Variants in TCF25 observed in about 807,000 individuals in gnomAD.
The protein encoded by TCF25 is TCF25 ribosome quality control complex subunit.
TCF25 carries 41 observed loss-of-function variants against 83.1 expected under a neutral mutation model. The ratio of observed to expected loss-of-function variants is 0.49; its 90% CI spans 0.38 to 0.64. The LOEUF is 0.64. Ranked by LOEUF, TCF25 falls within the 30% of genes least tolerant of loss-of-function variation. TCF25 has a pLI of 0.00. For synonymous variants in TCF25, 458 were observed against 365.0 expected (o/e 1.25, Z -2.90); for missense variants, 979 against 914.5 (o/e 1.07, Z -0.91).
In TCF25 at chr16:89,906,260, G is replaced by A. The variant is rs753931759; in HGVS notation, c.1695G>A (p.Lys565=). 1.9e-6 allele frequency: 3 copies of A among 1,613,266 alleles called. No homozygotes were observed. Among genetic ancestry groups the A allele is most frequent in the South Asian group, 1.1e-5 (1 of 91,054 alleles). The part of the protein sequence containing the change: ...IHRHVILSEI[K]EAVAALPPDV... Reference sequence around the variant, plus strand: ...GCCATGTGATCCTCTCTGAGATCAAGGAAGCCGTCGCTGCCCTGCCCCCGG... The same window carrying A: ...GCCATGTGATCCTCTCTGAGATCAAAGAAGCCGTCGCTGCCCTGCCCCCGG... The change falls in exon 15 of 18, where the codon AAG becomes AAA. Residue 565 remains lysine, a synonymous_variant. Coordinates refer to ENST00000263346, the MANE Select transcript of TCF25 (RefSeq NM_014972.3).
rs192316994 is a variant in TCF25 at position 89,885,946 on chromosome 16, C to G, written c.528C>G (p.His176Gln). 1.9e-6 allele frequency: 3 copies of G among 1,538,972 alleles called. No individual in the cohort carries two copies. The highest frequency in any genetic ancestry group is 1.6e-5 in the African/African-American group (1 of 61,342). ...CAGCTCCCCTGAGCTCCAGGAAGCA[C>G]GTTCTCTACGTGGAGCACAGGTGTG... is the stretch of plus-strand genomic sequence containing the variant. Reference protein sequence around the residue: ...PGPAPLSSRKHVLYVEHRHLN... With the variant: ...PGPAPLSSRKQVLYVEHRHLN... The change falls in exon 4 of 18, where the codon CAC (histidine) becomes CAG (glutamine). Residue 176 changes from histidine to glutamine, a missense_variant. Transcript: ENST00000263346.
At chr16:89,896,549 ATTTTTTTT>A (rs869089266) in intron 9 of TCF25, among the ~76,000 whole-genome samples, 1 of 112,400 alleles carries the variant, frequency 8.9e-6, no homozygotes, top group African/African-American at 4.0e-5. Context: ...TCAAAACAGC[ATTTTTTTT>A]TTTTTTTTTT....
intron 14 of TCF25, 132 bp from the exon 15 acceptor site, chr16:89,906,062 A>G: frequency 1.3e-6 from 1 of 777,324 alleles, no homozygotes; most frequent in Non-Finnish European, 2.1e-6. Context: ...AGTAAAGTGT[A>G]CAGTTTTTGC....
chr16:89,889,212 T>A (rs1010774490), intron 5 of TCF25: 8 of 396,750 alleles, frequency 2.0e-5, no homozygotes, highest in African/African-American at 1.7e-4. Flanking sequence ...TTTATTTTTA[T>A]TTTTTTATTT....
At chr16:89,906,432 A>AG in intron 15 of TCF25, 148 bp downstream of exon 15, 1 of 686,482 alleles carries the variant, frequency 1.5e-6, no homozygotes, top group Non-Finnish European at 2.5e-6. Flanking sequence ...TCTAGTGCAG[A>AG]GGGCTCCTCC....
Position 89,873,704 on chromosome 16 carries a change from C to A in TCF25, c.37C>A (p.Gln13Lys), listed in dbSNP as rs1432726272. ...GGCCCTCCGGAGGCTGAGGGGGGAACAGCGCGGCCAGGAGCCCCTCGGGCC... is the reference window on the plus strand; with the variant it reads ...GGCCCTCCGGAGGCTGAGGGGGGAAAAGCGCGGCCAGGAGCCCCTCGGGCC... ...RRALRRLRGE[Q>K]RGQEPLGPGA... The change falls in exon 1 of 18, where the codon CAG (glutamine) becomes AAG (lysine). Residue 13 changes from glutamine (Q) to lysine (K), a missense_variant. Transcript: ENST00000263346. 5.0e-6 allele frequency: 8 copies of A among 1,609,346 alleles called. No individual in the cohort carries two copies. Among genetic ancestry groups the A allele is most frequent in the Non-Finnish European group, 6.8e-6 (8 of 1,178,784 alleles).
chr16:89,875,011 T>C (rs528451483), intron 1 of TCF25, among the ~76,000 whole-genome samples: 1 of 152,300 alleles, frequency 6.6e-6, no homozygotes, highest in South Asian at 2.1e-4. Flanking sequence ...TGAAAGCTTT[T>C]TGTTTTGAGA....
Position 89,883,523 on chromosome 16 carries a change from G to A in TCF25, c.354+11G>A. ...GTGCCCTCAGAGCAGGTGGGGGGCTGAGTGGTGAGGAGGTGGCATCAGACG... is the reference window on the plus strand; with the variant it reads ...GTGCCCTCAGAGCAGGTGGGGGGCTAAGTGGTGAGGAGGTGGCATCAGACG... On this transcript the variant is annotated intron_variant, in intron 2 of 17. Transcript: ENST00000263346. 1 of 1,586,160 alleles carries A rather than the reference G, an allele frequency of 6.3e-7. No homozygotes were observed. Among genetic ancestry groups the A allele is most frequent in the Non-Finnish European group, 8.6e-7 (1 of 1,166,364 alleles).
chr16:89,895,611 G>T (rs576343990), intron 8 of TCF25, among the ~76,000 whole-genome samples: 1 of 152,236 alleles, frequency 6.6e-6, no homozygotes, highest in Non-Finnish European at 1.5e-5. Flanking sequence ...TGTGTGGACG[G>T]ACCACATGTT....
At chr16:89,904,480 C>T in intron 13 of TCF25, 1 of 535,208 alleles carries the variant, frequency 1.9e-6, no homozygotes, top group East Asian at 3.3e-5. Context: ...GTAATCTCAG[C>T]TTTTTGGGAG....
intron 1 of TCF25, among the ~76,000 whole-genome samples, chr16:89,876,016 T>C (rs2042164936): frequency 6.6e-6 from 1 of 151,796 alleles, no homozygotes; most frequent in Non-Finnish European, 1.5e-5. Flanking sequence ...AAATATTTAA[T>C]CTTTTTGGTA....
chr16:89,901,474 G>A (rs146861455), intron 12 of TCF25, among the ~76,000 whole-genome samples: 5,900 of 144,714 alleles, frequency 0.041, 124 homozygotes, highest in African/African-American at 0.14. Context: ...GGCCGGGCGC[G>A]GTGGCTCACG....
chr16:89,906,346 C>G (rs748753778), intron 15 of TCF25, 62 bp downstream of exon 15: 9 of 1,543,616 alleles, frequency 5.8e-6, no homozygotes, highest in Non-Finnish European at 7.1e-6. Context: ...GTCCCTTCTG[C>G]TCCGGGCGGT....
intron 14 of TCF25, 112 bp downstream of exon 14, chr16:89,905,208 C>G (rs1429439647): frequency 2.9e-6 from 4 of 1,395,752 alleles, no homozygotes; most frequent in Non-Finnish European, 2.8e-6. Context: ...AGCTTGGCCT[C>G]CCTTGCTGTG....
Position 89,910,627 on chromosome 16 carries a change from C to T in TCF25, c.1836C>T (p.Leu612=), listed in dbSNP as rs750083099. The stretch of plus-strand genomic sequence containing the variant: ...TCAGCCATGGAAACACCATTGCTCT[C>T]TTCTTCCGGTCACTGTTGCCAAACT... ...SPISHGNTIA[L]FFRSLLPNYT... The change falls in exon 17 of 18, where the codon CTC becomes CTT. Residue 612 remains leucine (L), a synonymous_variant. Coordinates refer to ENST00000263346, the MANE Select transcript of TCF25 (RefSeq NM_014972.3). 70 of 1,613,734 alleles carry T rather than the reference C, an allele frequency of 4.3e-5. 2 individuals carry two copies. The Middle Eastern group carries it at 8.6e-3, about 198-fold the overall frequency.
chr16:89,905,038 C>T lies in TCF25; in HGVS notation c.1570C>T (p.His524Tyr), dbSNP rs778889086. 5 of 1,602,876 alleles carry T rather than the reference C, an allele frequency of 3.1e-6. No individual in the cohort carries two copies. The East Asian group carries it at 9.0e-5, about 29-fold the overall frequency. The change falls in exon 14 of 18, where the codon CAC (histidine) becomes TAC (tyrosine). Residue 524 changes from histidine to tyrosine, a missense_variant. Transcript: ENST00000263346. ...CATGAGCTGGCTGGAGGAGAACGTCCACGAGGTTCTGCAAGCAGTGGACGC... is the reference window on the plus strand; with the variant it reads ...CATGAGCTGGCTGGAGGAGAACGTCTACGAGGTTCTGCAAGCAGTGGACGC... ...ATMSWLEENV[H>Y]EVLQAVDAGD... is the part of the protein sequence containing the mutation.
intron 15 of TCF25, 144 bp downstream of exon 15, chr16:89,906,428 G>C (rs2044791155): frequency 1.4e-6 from 1 of 709,796 alleles, no homozygotes. Context: ...AGGGTCTAGT[G>C]CAGAGGGCTC....
At chr16:89,882,817 C>T (rs1226876496) in intron 1 of TCF25, among the ~76,000 whole-genome samples, 1 of 152,190 alleles carries the variant, frequency 6.6e-6, no homozygotes, top group African/African-American at 2.4e-5. Context: ...GAACTCCTGA[C>T]CTCAAGTGAT....
chr16:89,886,819 C>T (rs1234145543), intron 4 of TCF25, among the ~76,000 whole-genome samples: 1 of 151,780 alleles, frequency 6.6e-6, no homozygotes, highest in Non-Finnish European at 1.5e-5. Flanking sequence ...TGCCTGTAAT[C>T]CCAGCCACTC....
Sources: allele counts gnomAD v4.1 joint callset (sites outside exome capture counted in the v4.1 genomes callset), GRCh38; gene constraint gnomAD v4.1.1; transcripts MANE v1.5; gene names NCBI Gene and HGNC (gene_info 2026-07-23, HGNC 2026-07-21).